ISOC1: variants seen among roughly 807,000 people sequenced by gnomAD.
The protein encoded by ISOC1 is isochorismatase domain containing 1, also known as isochorismatase domain-containing protein 1.
In ISOC1, 33 loss-of-function variants were observed where a neutral mutation model predicts 30.0. The ratio of observed to expected loss-of-function variants is 1.10; its 90% CI spans 0.83 to 1.47. ISOC1 has a LOEUF of 1.47. Ranked by LOEUF, ISOC1 falls within the 40% of genes most tolerant of loss-of-function variation. The pLI, the probability that ISOC1 is intolerant of heterozygous loss-of-function variation, is 0.00. For missense variants in ISOC1, 372 were observed against 388.0 expected (o/e 0.96, Z 0.35); for synonymous variants, 178 against 159.8 (o/e 1.11, Z -0.86).
At chr5:129,105,947 C>A (rs3798115) in intron 3 of ISOC1, among the ~76,000 whole-genome samples, 110,226 of 152,082 alleles carry the variant, frequency 0.72, 41,260 homozygotes, top group African/African-American at 0.91. Flanking sequence ...TAAGAAAAAA[C>A]CACTAAAACA....
At chr5:129,107,831 C>G (rs1753657457) in intron 4 of ISOC1, among the ~76,000 whole-genome samples, 1 of 152,094 alleles carries the variant, frequency 6.6e-6, no homozygotes, top group African/African-American at 2.4e-5. Context: ...TCATGGTAGT[C>G]TTGGCATTAG....
chr5:129,095,125 T>C (rs1214228356), intron 1 of ISOC1, 50 bp downstream of exon 1: 1 of 1,472,960 alleles, frequency 6.8e-7, no homozygotes, highest in Non-Finnish European at 9.0e-7. Context: ...GTCGTCCCCG[T>C]CCCCGTCCCT....
intron 1 of ISOC1, among the ~76,000 whole-genome samples, chr5:129,100,275 C>CA (rs1459933504): frequency 5.3e-5 from 8 of 152,030 alleles, no homozygotes; most frequent in Non-Finnish European, 1.2e-4. Context: ...TGTGAAAAGT[C>CA]TTTTGAGTAT....
rs763742266 is a variant in ISOC1 at position 129,095,017 on chromosome 5, C to T, written c.251C>T (p.Pro84Leu). 3 of 1,603,606 alleles carry T rather than the reference C, an allele frequency of 1.9e-6. No homozygotes were observed. The highest frequency in any genetic ancestry group is 2.5e-6 in the Non-Finnish European group (3 of 1,177,262). Residue 84 changes from proline (P) to leucine (L), a missense_variant, in exon 1 of 5, where the codon CCC becomes CTC. Coordinates refer to ENST00000173527, the MANE Select transcript of ISOC1 (RefSeq NM_016048.2). ...GAGTGGGGCCAGTACGTGGACTTGCCCAAGGGCTTCGCGGTGAGCGAGCGC... is the reference window on the plus strand; with the variant it reads ...GAGTGGGGCCAGTACGTGGACTTGCTCAAGGGCTTCGCGGTGAGCGAGCGC... ...AEEWGQYVDLPKGFAVSERCK... is the reference protein window; with the variant it reads ...AEEWGQYVDLLKGFAVSERCK...
At chr5:129,103,664 A>G (rs1160513676) in intron 1 of ISOC1, among the ~76,000 whole-genome samples, 1 of 152,206 alleles carries the variant, frequency 6.6e-6, no homozygotes, top group Admixed American at 6.5e-5. Flanking sequence ...TAATTCATGT[A>G]GTAATTGTTT....
chr5:129,097,631 T>G (rs1753519702), intron 1 of ISOC1: 1 of 152,264 alleles, frequency 6.6e-6, no homozygotes, highest in Non-Finnish European at 1.5e-5. Flanking sequence ...ACTTTCACTT[T>G]GAGGAAGTGC....
intron 4 of ISOC1, among the ~76,000 whole-genome samples, chr5:129,110,137 C>T (rs1286435429): frequency 1.3e-5 from 2 of 152,128 alleles, no homozygotes; most frequent in African/African-American, 4.8e-5. Flanking sequence ...CTTTTTCCCC[C>T]CTCTCTGAGG....
At chr5:129,100,883 C>T (rs1378459442) in intron 1 of ISOC1, among the ~76,000 whole-genome samples, 1 of 150,570 alleles carries the variant, frequency 6.6e-6, no homozygotes, top group Admixed American at 6.6e-5. Flanking sequence ...ACGTTATTCC[C>T]CCAAATATCA....
chr5:129,100,437 CAT>C (rs1201019748), intron 1 of ISOC1, among the ~76,000 whole-genome samples: 12 of 151,962 alleles, frequency 7.9e-5, no homozygotes, highest in South Asian at 2.1e-4. Context: ...GTATATGTAT[CAT>C]GTGCAAATGT....
rs771960871 is a variant in ISOC1, at chr5:129,112,885, A to C, written c.781A>C (p.Thr261Pro). Residue 261 changes from threonine (T) to proline (P), a missense_variant, in exon 5 of 5, where the codon ACG becomes CCG. Transcript: ENST00000173527. ...CGCTCGAACCGGGATCATAGTGACC[A>C]CGAGTGAGGCTGTTCTGCTTCAGCT... is the stretch of plus-strand genomic sequence containing the variant. The part of the protein sequence containing the change: ...RLARTGIIVT[T>P]SEAVLLQLVA... 9.3e-6 allele frequency: 15 copies of C among 1,613,592 alleles called. No homozygotes were observed. The highest frequency in any genetic ancestry group is 1.2e-5 in the Non-Finnish European group (14 of 1,179,764).
At position 129,094,768 on chromosome 5, in the gene ISOC1, TGGC is replaced by T. The variant is rs1342538823; in HGVS notation, c.6_8del (p.Ala4?). ...GAGCTCGCAGACGCTCGGGGGAACA[TGGC>T]GGCTGCGGAGCCGGCGGTCCTTGCG... On this transcript the variant is annotated start_lost and inframe_deletion, in exon 1 of 5. Transcript: ENST00000173527. 1.3e-6 allele frequency: 2 copies of T among 1,495,768 alleles called. No individual in the cohort carries two copies. Among genetic ancestry groups the T allele is most frequent in the Non-Finnish European group, 1.8e-6 (2 of 1,128,148 alleles). The allele number at this position is 1,495,768 out of a possible 1,614,324, so 92.7% of individuals were successfully genotyped here. A position where few individuals can be genotyped will look rare whatever the true frequency, so the allele number is the denominator to read the frequency against.
intron 4 of ISOC1, among the ~76,000 whole-genome samples, 190 bp downstream of exon 4, chr5:129,107,252 C>G (rs560651556): frequency 1.3e-5 from 2 of 152,260 alleles, no homozygotes; most frequent in South Asian, 4.1e-4. Context: ...TTTTATGTCT[C>G]GTTTCCTCCT....
At chr5:129,097,004 C>G (rs1392078492) in intron 1 of ISOC1, among the ~76,000 whole-genome samples, 1 of 152,084 alleles carries the variant, frequency 6.6e-6, no homozygotes, top group Non-Finnish European at 1.5e-5. Flanking sequence ...TTATATAATT[C>G]TGGTCACCTG....
At chr5:129,097,533 A>C (rs563573474) in intron 1 of ISOC1, among the ~76,000 whole-genome samples, 1 of 152,298 alleles carries the variant, frequency 6.6e-6, no homozygotes, top group East Asian at 1.9e-4. Flanking sequence ...CATACAGTTC[A>C]TTCCACAACA....
intron 1 of ISOC1, among the ~76,000 whole-genome samples, chr5:129,100,942 A>T (rs1243893532): frequency 1.3e-5 from 2 of 151,104 alleles, no homozygotes; most frequent in Non-Finnish European, 2.9e-5. Flanking sequence ...TTATTTTAGA[A>T]TAGCTTTAGA....
chr5:129,094,815 G>C lies in ISOC1; in HGVS notation c.49G>C (p.Gly17Arg). 6.5e-7 allele frequency: 1 copy of C among 1,537,638 alleles called. No homozygotes were observed. Among genetic ancestry groups the C allele is most frequent in the East Asian group, 2.5e-5 (1 of 40,526 alleles). Residue 17 changes from glycine to arginine, a missense_variant, in exon 1 of 5, where the codon GGG becomes CGG. Transcript: ENST00000173527. ...CCTTGCGCTCCCCAACAGCGGCGCC[G>C]GGGGCGCGGGGGCGCCGTCGGGCAC... ...AVLALPNSGA[G>R]GAGAPSGTVP...
intron 4 of ISOC1, among the ~76,000 whole-genome samples, chr5:129,111,803 C>A (rs1485079603): frequency 1.3e-5 from 2 of 152,088 alleles, no homozygotes; most frequent in African/African-American, 4.8e-5. Context: ...CCTCCTTGAG[C>A]TTTCTGTCCT....
chr5:129,097,299 G>T (rs1250518180), intron 1 of ISOC1, among the ~76,000 whole-genome samples: 1 of 151,998 alleles, frequency 6.6e-6, no homozygotes, highest in Non-Finnish European at 1.5e-5. Context: ...TAAAGGAAGG[G>T]GATAGATACA....
At chr5:129,111,045 G>A (rs1281930629) in intron 4 of ISOC1, among the ~76,000 whole-genome samples, 1 of 152,114 alleles carries the variant, frequency 6.6e-6, no homozygotes, top group Non-Finnish European at 1.5e-5. Context: ...CTGGACTGCA[G>A]CTTATCATAT....
Sources: gnomAD v4.1 joint callset for allele counts (sites outside exome capture counted in the v4.1 genomes callset) on GRCh38, gnomAD v4.1.1 for gene constraint, MANE v1.5 for transcripts, NCBI Gene and HGNC (gene_info 2026-07-23, HGNC 2026-07-21) for gene names.